The following PTPRT variants were observed in gnomAD, a reference collection of about 807,000 sequenced individuals.
PTPRT encodes protein tyrosine phosphatase receptor type T, also known as receptor-type tyrosine-protein phosphatase T.
In PTPRT, 56 loss-of-function variants were observed where a neutral mutation model predicts 176.8. The observed-to-expected ratio is 0.32, with a 90% confidence interval of 0.26 to 0.40. The LOEUF is 0.40. Ranked by LOEUF, PTPRT falls within the 10% of genes least tolerant of loss-of-function variation. The probability of loss-of-function intolerance (pLI) is 1.00; values close to 1 mark genes in which losing one functional copy is unlikely to be tolerated. For missense variants in PTPRT, 1,540 were observed against 1,908.2 expected, an observed-to-expected ratio of 0.81 and a Z score of 3.60; for synonymous variants, 783 against 739.0, an observed-to-expected ratio of 1.06 and a Z score of -0.96.
Position 42,907,832 on chromosome 20 carries a change from C to A in PTPRT, c.89-21900G>T, listed in dbSNP as rs146920882. 2.7e-3 allele frequency among the ~76,000 whole-genome samples: 381 copies of A among 143,686 alleles called. 1 individual carries two copies. The highest frequency in any genetic ancestry group is 0.011 in the African/African-American group (361 of 33,490). The allele number at this position is 143,686 out of a possible 152,430, so 94.3% of individuals were successfully genotyped here. A position where few individuals can be genotyped will look rare whatever the true frequency, so the allele number is the denominator to read the frequency against. On this transcript the variant is annotated intron_variant, in intron 1 of 30. Transcript: ENST00000373187. ...ATAACTGGAAGGGTACAAGTGGGGG[C>A]AGAGTGAAAATAGTAAGAAATGGCA...
intron 30 of PTPRT, 82 bp from the exon 31 acceptor site, chr20:42,081,014 T>G: frequency 8.4e-7 from 1 of 1,193,620 alleles, no homozygotes; most frequent in South Asian, 1.3e-5. Context: ...ATGCATTTAG[T>G]TTAGAGATAC....
chr20:42,578,269 T>A (rs1427061894), intron 7 of PTPRT, among the ~76,000 whole-genome samples: 4 of 152,082 alleles, frequency 2.6e-5, no homozygotes, highest in African/African-American at 7.2e-5. Flanking sequence ...ACACACTCTA[T>A]TATTTAATCC....
intron 1 of PTPRT, among the ~76,000 whole-genome samples, chr20:42,992,032 T>C (rs922654853): frequency 6.6e-6 from 1 of 152,230 alleles, no homozygotes; most frequent in Non-Finnish European, 1.5e-5. Flanking sequence ...TTACTCAAAG[T>C]ACTATGTGTG....
At chr20:42,312,703 A>G (rs1600819179) in intron 12 of PTPRT, among the ~76,000 whole-genome samples, 1 of 151,766 alleles carries the variant, frequency 6.6e-6, no homozygotes, top group African/African-American at 2.4e-5. Flanking sequence ...GTACATATGC[A>G]TGGTGTGGAA....
chr20:42,614,489 C>G (rs563969871), intron 7 of PTPRT, among the ~76,000 whole-genome samples: 1 of 152,248 alleles, frequency 6.6e-6, no homozygotes, highest in South Asian at 2.1e-4. Flanking sequence ...TGTACAATCT[C>G]CAAGTGATAG....
intron 1 of PTPRT, among the ~76,000 whole-genome samples, chr20:42,965,754 TTTTC>T (rs1263353741): frequency 6.6e-6 from 1 of 152,200 alleles, no homozygotes; most frequent in Non-Finnish European, 1.5e-5. Context: ...CTGATGTTGA[TTTTC>T]TTTCAATTCA....
intron 1 of PTPRT, among the ~76,000 whole-genome samples, chr20:42,936,681 T>C (rs1375202213): frequency 6.6e-6 from 1 of 152,140 alleles, no homozygotes. Flanking sequence ...GATGACGTAA[T>C]CTGGGGCAGC....
chr20:42,850,274 G>A (rs376105494), intron 2 of PTPRT, among the ~76,000 whole-genome samples: 6 of 152,130 alleles, frequency 3.9e-5, no homozygotes, highest in African/African-American at 4.8e-5. Flanking sequence ...TACTAAAAGC[G>A]CTTCAAGCAC....
chr20:42,829,289 C>G (rs1442626300), intron 2 of PTPRT, among the ~76,000 whole-genome samples: 1 of 152,246 alleles, frequency 6.6e-6, no homozygotes, highest in Non-Finnish European at 1.5e-5. Context: ...AATGCCCGTA[C>G]CTCCACTGTA....
chr20:42,596,096 CAA>C, intron 7 of PTPRT, among the ~76,000 whole-genome samples: 1 of 152,252 alleles, frequency 6.6e-6, no homozygotes, highest in South Asian at 2.1e-4. Flanking sequence ...GCTGTGATCA[CAA>C]GAGAGGAGAT....
chr20:42,894,279 G>T (rs1349655471), intron 1 of PTPRT, among the ~76,000 whole-genome samples: 1 of 152,150 alleles, frequency 6.6e-6, no homozygotes, highest in Admixed American at 6.5e-5. Flanking sequence ...TGTGAGCTGA[G>T]CTTGATAACG....
intron 11 of PTPRT, among the ~76,000 whole-genome samples, chr20:42,328,807 C>G (rs2057922535): frequency 6.6e-6 from 1 of 152,018 alleles, no homozygotes. Flanking sequence ...CCCAAAGCAA[C>G]AAAACATAAA....
At chr20:42,569,810 G>A (rs984349775) in intron 7 of PTPRT, among the ~76,000 whole-genome samples, 3 of 152,134 alleles carry the variant, frequency 2.0e-5, no homozygotes, top group African/African-American at 7.2e-5. Context: ...CCCCCAAGAA[G>A]ACGTTTATCA....
At chr20:42,954,293 A>G (rs967354382) in intron 1 of PTPRT, among the ~76,000 whole-genome samples, 3 of 152,164 alleles carry the variant, frequency 2.0e-5, no homozygotes, top group African/African-American at 7.2e-5. Context: ...CTTCTTCTCT[A>G]GAGGGAACTT....
Position 42,574,213 on chromosome 20 carries a change from A to G in PTPRT, c.1154-101651T>C, listed in dbSNP as rs547950527. On this transcript the variant is annotated intron_variant, in intron 7 of 30. Coordinates refer to ENST00000373187, the MANE Select transcript of PTPRT (RefSeq NM_007050.6). ...TTTAAAACACTCAGAGTTTACAGTC[A>G]AAAACCCGTGAGTCTGAACAAATTC... Among the ~76,000 whole-genome samples, 52 of 152,286 alleles carry G rather than the reference A, an allele frequency of 3.4e-4. 1 individual carries two copies. Among genetic ancestry groups the G allele is most frequent in the Middle Eastern group, 6.8e-3 (2 of 294 alleles).
At chr20:42,654,771 C>T (rs937516858) in intron 7 of PTPRT, among the ~76,000 whole-genome samples, 13 of 152,054 alleles carry the variant, frequency 8.5e-5, no homozygotes, top group Non-Finnish European at 1.9e-4. Flanking sequence ...TAGTAAGTTG[C>T]TCAGGTTCAC....
chr20:42,946,580 G>A (rs896754302), intron 1 of PTPRT, among the ~76,000 whole-genome samples: 9 of 152,090 alleles, frequency 5.9e-5, no homozygotes, highest in Non-Finnish European at 1.0e-4. Flanking sequence ...CTTAGACAGG[G>A]GCCCTGAGTT....
intron 15 of PTPRT, among the ~76,000 whole-genome samples, chr20:42,207,544 A>G (rs374207683): frequency 1.5e-5 from 1 of 65,800 alleles, no homozygotes; most frequent in African/African-American, 6.0e-5. Context: ...GGGTATCAGC[A>G]ATGGAAGATG....
intron 7 of PTPRT, among the ~76,000 whole-genome samples, chr20:42,539,549 A>G (rs1475986762): frequency 6.6e-6 from 1 of 151,852 alleles, no homozygotes; most frequent in Non-Finnish European, 1.5e-5. Context: ...CTCATCAGAC[A>G]CAGATACCTG....
Sources: gnomAD v4.1 joint callset for allele counts (sites outside exome capture counted in the v4.1 genomes callset) on GRCh38, gnomAD v4.1.1 for gene constraint, MANE v1.5 for transcripts, NCBI Gene and HGNC (gene_info 2026-07-23, HGNC 2026-07-21) for gene names.